The following GLRA2 variants were observed in gnomAD, a reference collection of about 807,000 sequenced individuals.
GLRA2 encodes the protein glycine receptor subunit alpha-2.
Under a neutral mutation model 31.6 loss-of-function variants are expected in GLRA2, and 11 were observed. The ratio of observed to expected loss-of-function variants is 0.35; its 90% CI spans 0.22 to 0.58. GLRA2 has a LOEUF of 0.58. Among genes scored for constraint, GLRA2 ranks in the 20% least tolerant of loss-of-function variants. The probability of loss-of-function intolerance (pLI) is 0.84; values close to 1 mark genes in which losing one functional copy is unlikely to be tolerated. For synonymous variants in GLRA2, 132 were observed against 134.0 expected (o/e 0.99, Z 0.10); for missense variants, 212 against 351.8 (o/e 0.60, Z 3.18).
chrX:14,562,207 G>A (rs766216243), intron 2 of GLRA2, among the ~76,000 whole-genome samples: 48 of 112,363 alleles, frequency 4.3e-4, no homozygotes, highest in African/African-American at 1.2e-3. Context: ...AGTAGAAACT[G>A]TCAGAACCAA....
chrX:14,586,202 G>A (rs1382632759), intron 4 of GLRA2, among the ~76,000 whole-genome samples: 1 of 111,655 alleles, frequency 9.0e-6, no homozygotes, highest in Non-Finnish European at 1.9e-5. Context: ...AACTCCGTAA[G>A]TGTCATCCTT....
At chrX:14,688,111 C>T (rs780426440) in intron 7 of GLRA2, among the ~76,000 whole-genome samples, 2 of 111,905 alleles carry the variant, frequency 1.8e-5, no homozygotes, top group South Asian at 7.5e-4. Flanking sequence ...GGCTGCAGAA[C>T]AGTGAATGTT....
rs772902557 is a variant in GLRA2, at chrX:14,730,704, C to G, written c.*219C>G. On this transcript the variant is annotated 3_prime_UTR_variant, in exon 9 of 9. Coordinates refer to ENST00000218075, the MANE Select transcript of GLRA2 (RefSeq NM_002063.4). ...TTAAGGGGTTGCAGAATCACGGGAG[C>G]ATAATAATTCCCTTCCATAATCTTT... The G allele has an allele frequency of 1.8e-5, 7 of 391,837 alleles. No individual in the cohort carries two copies. Among genetic ancestry groups the G allele is most frequent in the Non-Finnish European group, 3.1e-5 (7 of 225,484 alleles). 32.3% of individuals were successfully genotyped at this position (391,837 alleles called of 1,213,427 possible). A position where few individuals can be genotyped will look rare whatever the true frequency, so the allele number is the denominator to read the frequency against.
At chrX:14,493,784 C>A in the GLRA2 span, among the ~76,000 whole-genome samples, 4 of 96,591 alleles carry the variant, frequency 4.1e-5, no homozygotes, top group Admixed American at 4.5e-4. Flanking sequence ...TATATATAGA[C>A]ACACACACAC....
intron 7 of GLRA2, among the ~76,000 whole-genome samples, chrX:14,634,671 A>G (rs1156566966): frequency 1.8e-5 from 2 of 111,875 alleles, no homozygotes; most frequent in Non-Finnish European, 3.8e-5. Flanking sequence ...TAATGAAAAC[A>G]TCCACTTCAA....
chrX:14,712,359 G>A (rs755101752), intron 8 of GLRA2, among the ~76,000 whole-genome samples: 1 of 111,544 alleles, frequency 9.0e-6, no homozygotes, highest in South Asian at 3.7e-4. Context: ...TCCCCTAGGG[G>A]GCAAAAATGA....
At chrX:14,677,175 C>T (rs12851792) in intron 7 of GLRA2, among the ~76,000 whole-genome samples, 80 of 111,193 alleles carry the variant, frequency 7.2e-4, no homozygotes, top group Non-Finnish European at 1.2e-3. Context: ...TCTAAAAGAC[C>T]AAAACTACAT....
intron 7 of GLRA2, among the ~76,000 whole-genome samples, chrX:14,633,988 G>T (rs6630743): frequency 9.0e-6 from 1 of 110,702 alleles, no homozygotes; most frequent in African/African-American, 3.3e-5. Context: ...TCACTCTGTC[G>T]CCCAGGCTGG....
the GLRA2 span, among the ~76,000 whole-genome samples, chrX:14,500,728 C>G: frequency 9.0e-6 from 1 of 111,613 alleles, no homozygotes; most frequent in South Asian, 3.7e-4. Context: ...CAATTCTCTT[C>G]CCATCTGCTC....
At chrX:14,566,500 T>C (rs750085770) in intron 2 of GLRA2, among the ~76,000 whole-genome samples, 4 of 111,859 alleles carry the variant, frequency 3.6e-5, no homozygotes, top group African/African-American at 1.3e-4. Flanking sequence ...GAAAAGAAAA[T>C]CACAGACCAA....
At chrX:14,719,828 A>G (rs1021160988) in intron 8 of GLRA2, among the ~76,000 whole-genome samples, 2 of 112,480 alleles carry the variant, frequency 1.8e-5, no homozygotes, top group African/African-American at 6.5e-5. Context: ...ATGGATAAAG[A>G]AAATGTAGTG....
At chrX:14,600,113 G>C (rs768070483) in intron 4 of GLRA2, among the ~76,000 whole-genome samples, 2 of 111,384 alleles carry the variant, frequency 1.8e-5, no homozygotes, top group South Asian at 7.6e-4. Context: ...ATGCTTGTTA[G>C]GTATTTCTCT....
chrX:14,532,264 T>C lies in GLRA2; in HGVS notation c.94T>C (p.Ser32Pro). The change falls in exon 2 of 9, where the codon TCC (serine) becomes CCC (proline). Residue 32 changes from serine (S) to proline (P), a missense_variant. Physicochemically the swap from Ser to Pro is moderately conservative, Grantham distance 74. Around this residue, in one of 5 missense-constraint regions of GLRA2, gnomAD observed 33 missense variants for 27.7 expected, o/e 1.19. Transcript: ENST00000218075. Reference sequence around the variant, plus strand: ...GACGGCTTTCTGCAAAGACCATGACTCCAGGTCTGGAAAACAACCTTCACA... The same window carrying C: ...GACGGCTTTCTGCAAAGACCATGACCCCAGGTCTGGAAAACAACCTTCACA... Reference protein sequence around the residue: ...FRTAFCKDHDSRSGKQPSQTL... With the variant: ...FRTAFCKDHDPRSGKQPSQTL... The C allele has an allele frequency of 8.4e-7, 1 of 1,187,708 alleles. No individual in the cohort carries two copies. Among genetic ancestry groups the C allele is most frequent in the Non-Finnish European group, 1.1e-6 (1 of 879,041 alleles).
At chrX:14,638,317 C>CA (rs2090735925) in intron 7 of GLRA2, among the ~76,000 whole-genome samples, 1 of 110,746 alleles carries the variant, frequency 9.0e-6, no homozygotes, top group East Asian at 2.8e-4. Context: ...GCCATATCTT[C>CA]AAAAAAACCT....
intron 8 of GLRA2, among the ~76,000 whole-genome samples, chrX:14,700,036 G>C (rs1413911382): frequency 9.0e-6 from 1 of 111,155 alleles, no homozygotes; most frequent in Non-Finnish European, 1.9e-5. Flanking sequence ...CTAGGCTTAA[G>C]ACCTGGGGTG....
chrX:14,588,778 G>A (rs1217181666), intron 4 of GLRA2, among the ~76,000 whole-genome samples: 1 of 111,281 alleles, frequency 9.0e-6, no homozygotes, highest in African/African-American at 3.3e-5. Flanking sequence ...TGTAGTTCTT[G>A]TAGAGATCTT....
At chrX:14,532,145 T>C (rs1044034750) in intron 1 of GLRA2, 94 bp from the exon 2 acceptor site, 5 of 616,377 alleles carry the variant, frequency 8.1e-6, no homozygotes, top group Non-Finnish European at 1.2e-5. Context: ...ATATCAAATA[T>C]CTTTACCAAA....
intron 8 of GLRA2, among the ~76,000 whole-genome samples, chrX:14,719,108 T>C (rs1265080312): frequency 1.8e-5 from 2 of 112,046 alleles, no homozygotes; most frequent in South Asian, 7.4e-4. Context: ...AGACCACCAA[T>C]ATTAAATGCA....
intron 4 of GLRA2, among the ~76,000 whole-genome samples, chrX:14,585,304 C>T (rs1354999381): frequency 9.0e-6 from 1 of 111,236 alleles, no homozygotes; most frequent in African/African-American, 3.3e-5. Flanking sequence ...GTGGTCTTTC[C>T]CCTGGAATGA....
Sources: gnomAD v4.1 joint callset for allele counts (sites outside exome capture counted in the v4.1 genomes callset) on GRCh38, gnomAD v4.1.1 for gene constraint, gnomAD v4.1.1 regional missense constraint, MANE v1.5 for transcripts, NCBI Gene and HGNC (gene_info 2026-07-23, HGNC 2026-07-21) for gene names.